Variants in ZNF331 observed in about 807,000 individuals in gnomAD.
The protein encoded by ZNF331 is C2H2-like zinc finger protein rearranged in thyroid adenomas.
ZNF331 carries 2 observed loss-of-function variants against 7.0 expected under a neutral mutation model. The observed-to-expected ratio is 0.29, with a 90% CI of 0.12 to 0.90. ZNF331 has a LOEUF of 0.90. ZNF331 is among the 40% of genes least tolerant of loss of function. The pLI, the probability that ZNF331 is intolerant of heterozygous loss-of-function variation, is 0.58. For missense variants in ZNF331, 432 were observed against 587.7 expected (o/e 0.74, Z 2.74); for synonymous variants, 196 against 205.4 (o/e 0.95, Z 0.39).
chr19:53,506,444 GTCTCTCTCTCTCTC>G, the ZNF331 span, among the ~76,000 whole-genome samples: 417 of 86,274 alleles, frequency 4.8e-3, 6 homozygotes, highest in East Asian at 0.033. Context: ...CTCTCTCTCT[GTCTCTCTCTCTCTC>G]TCTCTCTCTC....
At chr19:53,557,900 A>T (rs1008947899) in intron 3 of ZNF331, among the ~76,000 whole-genome samples, 1 of 152,172 alleles carries the variant, frequency 6.6e-6, no homozygotes, top group Admixed American at 6.5e-5. Context: ...GGAGGCTGTG[A>T]ACCTGTGATG....
At chr19:53,536,466 C>A (rs1461954354), upstream of ZNF331, 1 of 152,188 alleles carries the variant, frequency 6.6e-6, no homozygotes, top group Non-Finnish European at 1.5e-5. Context: ...TTTAACCTAC[C>A]CTTTTCCCTT....
chr19:53,532,787 T>A (rs1234447618), intron 2 of ZNF331, among the ~76,000 whole-genome samples: 1 of 152,198 alleles, frequency 6.6e-6, no homozygotes, highest in African/African-American at 2.4e-5. Flanking sequence ...TTCTAGGTTA[T>A]CCAACTTTTT....
chr19:53,550,884 T>C (rs1302309154), intron 2 of ZNF331, among the ~76,000 whole-genome samples: 1 of 144,398 alleles, frequency 6.9e-6, no homozygotes, highest in East Asian at 2.1e-4. Flanking sequence ...AGAGTCTTGC[T>C]CTGTCACCCA....
At chr19:53,516,863 TACAC>T (rs1387983411), upstream of ZNF331, among the ~76,000 whole-genome samples, 1 of 152,238 alleles carries the variant, frequency 6.6e-6, no homozygotes, top group Non-Finnish European at 1.5e-5. Context: ...TGTGTTGACT[TACAC>T]ACTTCTCCAT....
Position 53,573,541 on chromosome 19 carries a change from C to T in ZNF331, c.136+1811C>T, listed in dbSNP as rs764113811. ...GGAGTGCAGTGGCGCGATCACAGCT[C>T]ACAGCAGCCTCAACCTCCTGGGCTC... On this transcript the variant is annotated intron_variant, in intron 5 of 5. Coordinates refer to ENST00000449416, the MANE Select transcript of ZNF331 (RefSeq NM_001079906.2). The surrounding 1 kb of genome is among the most constrained non-coding windows in gnomAD (Gnocchi z 4.2). Among the ~76,000 whole-genome samples the T allele has an allele frequency of 1.1e-4, 16 of 151,778 alleles. No homozygotes were observed. Among genetic ancestry groups the T allele is most frequent in the Non-Finnish European group, 1.6e-4 (11 of 67,978 alleles).
chr19:53,546,555 AC>A (rs1448735682), intron 2 of ZNF331, among the ~76,000 whole-genome samples: 23 of 151,104 alleles, frequency 1.5e-4, no homozygotes, highest in African/African-American at 5.3e-4. Context: ...AAAAAAAAAA[AC>A]AACTCCCTCC....
intron 3 of ZNF331, among the ~76,000 whole-genome samples, chr19:53,564,074 C>CTTTTT (rs1205257105): frequency 1.1e-5 from 1 of 94,674 alleles, no homozygotes. Context: ...AGCCTGCATT[C>CTTTTT]TTTTTTTTTT....
At chr19:53,551,597 C>T (rs1014203039) in intron 2 of ZNF331, among the ~76,000 whole-genome samples, 2 of 152,008 alleles carry the variant, frequency 1.3e-5, no homozygotes, top group Admixed American at 1.3e-4. Context: ...ATATAGTGCA[C>T]CCTTGGAATG....
chr19:53,528,007 C>A (rs189678385), intron 2 of ZNF331, among the ~76,000 whole-genome samples: 40 of 152,270 alleles, frequency 2.6e-4, no homozygotes, highest in Non-Finnish European at 4.0e-4. Flanking sequence ...TATATGAAAT[C>A]CAAATATATG....
At chr19:53,531,922 TTTTA>T (rs1318686423) in intron 2 of ZNF331, among the ~76,000 whole-genome samples, 7 of 152,204 alleles carry the variant, frequency 4.6e-5, no homozygotes, top group Admixed American at 1.3e-4. Context: ...TTTTTCTTCT[TTTTA>T]TTTATTTATT....
upstream of ZNF331, among the ~76,000 whole-genome samples, chr19:53,519,283 G>C (rs1335809444): frequency 6.6e-6 from 1 of 152,040 alleles, no homozygotes; most frequent in East Asian, 1.9e-4. Context: ...ATATTTTTTA[G>C]GGCAAAGCAT....
intron 2 of ZNF331, among the ~76,000 whole-genome samples, chr19:53,528,988 T>C (rs1380361168): frequency 3.3e-5 from 5 of 152,090 alleles, no homozygotes; most frequent in Admixed American, 2.6e-4. Flanking sequence ...GGTTTCACAA[T>C]GTTGGCCAGG....
rs987464856 is a variant in ZNF331 at position 53,578,175 on chromosome 19, G to T, written c.*223G>T. On this transcript the variant is annotated 3_prime_UTR_variant, in exon 6 of 6. Transcript: ENST00000449416. Reference sequence around the variant, plus strand: ...TCATCCCTTGGTCCAGCACATCCACGCTGTATACGCCACCCACCCTGCTAG... The same window carrying T: ...TCATCCCTTGGTCCAGCACATCCACTCTGTATACGCCACCCACCCTGCTAG... 7 of 544,276 alleles carry T rather than the reference G, an allele frequency of 1.3e-5. No individual in the cohort carries two copies. In the African/African-American group the frequency reaches 1.3e-4, roughly 10 times the overall value. 33.7% of individuals were successfully genotyped at this position (544,276 alleles called of 1,614,324 possible). A position where few individuals can be genotyped will look rare whatever the true frequency, so the allele number is the denominator to read the frequency against.
chr19:53,534,200 CTG>C (rs1433669405), upstream of ZNF331, among the ~76,000 whole-genome samples: 1 of 152,114 alleles, frequency 6.6e-6, no homozygotes, highest in Admixed American at 6.5e-5. Context: ...ATGTTGAAGA[CTG>C]TGTTGCTTTT....
intron 2 of ZNF331, among the ~76,000 whole-genome samples, chr19:53,552,622 C>T (rs2089081435): frequency 6.6e-6 from 1 of 152,048 alleles, no homozygotes; most frequent in Non-Finnish European, 1.5e-5. Flanking sequence ...AGTCCCAGCT[C>T]TTGGGAGGCT....
chr19:53,540,996 G>A (rs189376575), intron 2 of ZNF331, among the ~76,000 whole-genome samples: 4 of 152,136 alleles, frequency 2.6e-5, no homozygotes, highest in East Asian at 3.9e-4. Context: ...ATTTTAGTCC[G>A]CCTGCAACCT....
In ZNF331 at chr19:53,573,032, A is replaced by G. The variant is rs1179685588; in HGVS notation, c.136+1302A>G. Among the ~76,000 whole-genome samples, 1 of 152,120 alleles carries G rather than the reference A, an allele frequency of 6.6e-6. No homozygotes were observed. The highest frequency in any genetic ancestry group is 1.5e-5 in the Non-Finnish European group (1 of 68,024). Reference sequence around the variant, plus strand: ...TCAGGAGTTAGAGACCAGCCTGGCCAACATGGTGAAACCCTGTCTCTACTA... The same window carrying G: ...TCAGGAGTTAGAGACCAGCCTGGCCGACATGGTGAAACCCTGTCTCTACTA... On this transcript the variant is annotated intron_variant, in intron 5 of 5. Transcript: ENST00000449416. This position sits in a 1 kb window ranked among gnomAD's most constrained non-coding sequence, Gnocchi z 4.2.
intron 3 of ZNF331, among the ~76,000 whole-genome samples, chr19:53,557,784 C>T (rs559287649): frequency 7.9e-5 from 12 of 152,228 alleles, no homozygotes; most frequent in Admixed American, 2.6e-4. Flanking sequence ...GCCAGCATGG[C>T]GTAACCCTGT....
Sources: gnomAD v4.1 joint callset for allele counts (sites outside exome capture counted in the v4.1 genomes callset) on GRCh38, gnomAD v4.1.1 for gene constraint, Gnocchi (gnomAD v3.1) non-coding constraint, MANE v1.5 for transcripts, NCBI Gene and HGNC (gene_info 2026-07-23, HGNC 2026-07-21) for gene names.